Variants in EPHB1 observed in about 807,000 individuals in gnomAD.
The protein encoded by EPHB1 is ephrin type-B receptor 1.
EPHB1 carries 30 observed loss-of-function variants against 94.4 expected under a neutral mutation model. The ratio of observed to expected loss-of-function variants is 0.32; its 90% CI spans 0.24 to 0.43. EPHB1 has a LOEUF of 0.43. EPHB1 is among the 20% of genes least tolerant of loss of function. The pLI is 1.00. For missense variants in EPHB1, 1,055 were observed against 1,308.3 expected (o/e 0.81, Z 2.99); for synonymous variants, 522 against 489.1 (o/e 1.07, Z -0.89).
At chr3:135,108,423 A>G (rs888368900) in intron 4 of EPHB1, among the ~76,000 whole-genome samples, 4 of 152,198 alleles carry the variant, frequency 2.6e-5, no homozygotes, top group African/African-American at 9.7e-5. Context: ...TTTGCAATGC[A>G]TGTTACCTTT....
At chr3:135,248,165 G>A (rs1180387063) in intron 13 of EPHB1, 151 bp from the exon 14 acceptor site, 3 of 645,832 alleles carry the variant, frequency 4.6e-6, no homozygotes, top group Non-Finnish European at 7.2e-6. Flanking sequence ...CAAGTGCACA[G>A]AAAATCCATT....
chr3:134,933,700 A>G (rs1444372904), intron 2 of EPHB1, among the ~76,000 whole-genome samples: 1 of 152,140 alleles, frequency 6.6e-6, no homozygotes, highest in African/African-American at 2.4e-5. Context: ...AAAAGTGCCA[A>G]TGCTGACCTT....
intron 1 of EPHB1, among the ~76,000 whole-genome samples, chr3:134,867,658 G>T (rs547003140): frequency 6.6e-6 from 1 of 152,312 alleles, no homozygotes; most frequent in South Asian, 2.1e-4. Flanking sequence ...ATGGGATGGG[G>T]AGGAGTCTTG....
chr3:135,055,255 A>G (rs1456426964), intron 3 of EPHB1, among the ~76,000 whole-genome samples: 1 of 152,208 alleles, frequency 6.6e-6, no homozygotes, highest in Admixed American at 6.5e-5. Context: ...ATTATGCATA[A>G]CACTTCAAAG....
intron 1 of EPHB1, among the ~76,000 whole-genome samples, chr3:134,921,435 T>C (rs571879943): frequency 6.6e-6 from 1 of 152,312 alleles, no homozygotes; most frequent in Admixed American, 6.5e-5. Flanking sequence ...TTTTTCCAGT[T>C]CGTTTTTCCA....
At chr3:135,138,774 C>T (rs1263443014) in intron 5 of EPHB1, among the ~76,000 whole-genome samples, 2 of 152,186 alleles carry the variant, frequency 1.3e-5, no homozygotes, top group Non-Finnish European at 2.9e-5. Context: ...AATTCAATTT[C>T]ATAGTTTGTT....
chr3:134,890,776 C>T (rs2037963640), intron 1 of EPHB1, among the ~76,000 whole-genome samples: 1 of 152,078 alleles, frequency 6.6e-6, no homozygotes, highest in Non-Finnish European at 1.5e-5. Flanking sequence ...AAAACATGGA[C>T]CTTATCTTTT....
At chr3:135,026,488 T>G (rs1227669024) in intron 3 of EPHB1, among the ~76,000 whole-genome samples, 58 of 149,640 alleles carry the variant, frequency 3.9e-4, no homozygotes, top group Non-Finnish European at 7.3e-4. Context: ...CCCCATTGCT[T>G]GTTTTTCTCA....
chr3:135,154,752 T>C (rs1413185551), intron 6 of EPHB1, among the ~76,000 whole-genome samples: 3 of 152,190 alleles, frequency 2.0e-5, no homozygotes, highest in Non-Finnish European at 4.4e-5. Context: ...AAAGTGAACA[T>C]TCAAAAGGAT....
intron 3 of EPHB1, among the ~76,000 whole-genome samples, chr3:134,966,824 G>A (rs921142681): frequency 2.6e-5 from 4 of 152,220 alleles, no homozygotes; most frequent in Admixed American, 1.3e-4. Context: ...CCTGATGTAC[G>A]GTGCTGAAGT....
intron 7 of EPHB1, 68 bp downstream of exon 7, chr3:135,162,248 G>A: frequency 1.4e-6 from 2 of 1,462,068 alleles, no homozygotes; most frequent in Non-Finnish European, 1.8e-6. Context: ...TAGCCCCAAA[G>A]ATGCTGCACT....
chr3:134,902,176 G>A (rs2038215874), intron 1 of EPHB1, among the ~76,000 whole-genome samples: 1 of 152,214 alleles, frequency 6.6e-6, no homozygotes. Flanking sequence ...TGATGCAGGT[G>A]CCTAGGAGAG....
At chr3:135,163,780 G>C (rs1295733973) in intron 7 of EPHB1, among the ~76,000 whole-genome samples, 1 of 152,246 alleles carries the variant, frequency 6.6e-6, no homozygotes, top group Non-Finnish European at 1.5e-5. Context: ...GGGGCTGGTT[G>C]TAAGAGAGTT....
chr3:134,845,918 C>T (rs1183162153), intron 1 of EPHB1, among the ~76,000 whole-genome samples: 1 of 152,096 alleles, frequency 6.6e-6, no homozygotes, highest in Admixed American at 6.5e-5. Flanking sequence ...CCCCTCTGGC[C>T]CCTCTGCTTA....
At chr3:135,191,195 T>C (rs1039970852) in intron 10 of EPHB1, among the ~76,000 whole-genome samples, 1 of 151,964 alleles carries the variant, frequency 6.6e-6, no homozygotes, top group African/African-American at 2.4e-5. Flanking sequence ...CCAAAACACA[T>C]AGTGTTGTAA....
chr3:134,967,974 A>G (rs187068792), intron 3 of EPHB1, among the ~76,000 whole-genome samples: 5 of 152,326 alleles, frequency 3.3e-5, no homozygotes, highest in Admixed American at 6.5e-5. Context: ...AGTGCAGTCT[A>G]TCTTGGCCCT....
At chr3:135,248,604 T>TAAAG (rs1943985817) in intron 14 of EPHB1, 95 bp downstream of exon 14, 10 of 1,316,424 alleles carry the variant, frequency 7.6e-6, no homozygotes, top group Non-Finnish European at 1.0e-5. Context: ...TCGAATTTTT[T>TAAAG]AAAGAGTATC....
intron 15 of EPHB1, among the ~76,000 whole-genome samples, chr3:135,252,321 C>T (rs916392385): frequency 1.3e-5 from 2 of 149,464 alleles, no homozygotes; most frequent in Non-Finnish European, 1.5e-5. Flanking sequence ...CCCACTAACT[C>T]GTCATCTAGC....
intron 5 of EPHB1, among the ~76,000 whole-genome samples, chr3:135,145,563 A>G (rs959358584): frequency 1.3e-5 from 2 of 152,166 alleles, no homozygotes; most frequent in African/African-American, 4.8e-5. Context: ...GTTCTGTTTC[A>G]CACTTTATAC....
Sources: gnomAD v4.1 joint callset for allele counts (sites outside exome capture counted in the v4.1 genomes callset) on GRCh38, gnomAD v4.1.1 for gene constraint, MANE v1.5 for transcripts, NCBI Gene and HGNC (gene_info 2026-07-23, HGNC 2026-07-21) for gene names.